PIK3C2G: variants seen among roughly 807,000 people sequenced by gnomAD.
PIK3C2G encodes the protein phosphatidylinositol 3-kinase C2 domain-containing subunit gamma.
PIK3C2G carries 168 observed loss-of-function variants against 181.1 expected under a neutral mutation model. The ratio of observed to expected loss-of-function variants is 0.93; its 90% CI spans 0.82 to 1.05. The LOEUF is 1.05. Ranked by LOEUF, PIK3C2G falls within the 50% of genes least tolerant of loss-of-function variation. PIK3C2G has a pLI of 0.00. For synonymous variants in PIK3C2G, 573 were observed against 592.2 expected, an observed-to-expected ratio of 0.97 and a Z score of 0.47; for missense variants, 1,869 against 1,732.8, an observed-to-expected ratio of 1.08 and a Z score of -1.40.
intron 24 of PIK3C2G, among the ~76,000 whole-genome samples, chr12:18,518,709 G>GT (rs896514868): frequency 1.3e-5 from 2 of 151,922 alleles, no homozygotes; most frequent in Non-Finnish European, 2.9e-5. Flanking sequence ...TTTTTTGGAG[G>GT]TTTTTTGTAT....
chr12:18,276,477 A>G (rs1948991588), intron 1 of PIK3C2G, among the ~76,000 whole-genome samples: 6 of 152,170 alleles, frequency 3.9e-5, no homozygotes, highest in African/African-American at 1.4e-4. Context: ...ATCCTGCACA[A>G]AATTATCTTT....
intron 18 of PIK3C2G, among the ~76,000 whole-genome samples, chr12:18,466,900 ACTT>A (rs1937941931): frequency 1.3e-5 from 2 of 152,050 alleles, no homozygotes; most frequent in Admixed American, 6.6e-5. Flanking sequence ...AGAATTAATA[ACTT>A]CTTTTTTCAC....
At chr12:18,635,795 C>A (rs1467004645) in intron 31 of PIK3C2G, among the ~76,000 whole-genome samples, 1 of 152,182 alleles carries the variant, frequency 6.6e-6, no homozygotes, top group Non-Finnish European at 1.5e-5. Context: ...AGCAGCTTTT[C>A]AGGTCACTCA....
chr12:18,607,869 C>A (rs1449660440), intron 30 of PIK3C2G, among the ~76,000 whole-genome samples: 1 of 151,982 alleles, frequency 6.6e-6, no homozygotes, highest in Non-Finnish European at 1.5e-5. Flanking sequence ...AACAGACAAC[C>A]CCATCAACAA....
intron 7 of PIK3C2G, among the ~76,000 whole-genome samples, chr12:18,322,824 T>G (rs1443454104): frequency 1.3e-5 from 2 of 152,210 alleles, no homozygotes; most frequent in Non-Finnish European, 2.9e-5. Flanking sequence ...AATTTTCGTT[T>G]TATAGGTAAT....
the PIK3C2G span, among the ~76,000 whole-genome samples, chr12:18,697,021 C>T: frequency 1.3e-5 from 2 of 152,104 alleles, no homozygotes; most frequent in African/African-American, 4.8e-5. Context: ...ATTTAAGTCA[C>T]TTGAGATTCA....
At chr12:18,613,178 AT>A (rs1212304432) in intron 31 of PIK3C2G, among the ~76,000 whole-genome samples, 1 of 151,922 alleles carries the variant, frequency 6.6e-6, no homozygotes, top group Non-Finnish European at 1.5e-5. Flanking sequence ...GACTTCATGG[AT>A]TTTTTTCTAG....
chr12:18,274,528 T>G (rs574043816), intron 1 of PIK3C2G, among the ~76,000 whole-genome samples: 1 of 152,064 alleles, frequency 6.6e-6, no homozygotes, highest in Non-Finnish European at 1.5e-5. Context: ...CTGGAAACCA[T>G]CATTCTCAGC....
intron 31 of PIK3C2G, among the ~76,000 whole-genome samples, chr12:18,639,149 G>A (rs896082558): frequency 6.6e-6 from 1 of 151,790 alleles, no homozygotes; most frequent in Non-Finnish European, 1.5e-5. Flanking sequence ...AGGGTGTCCA[G>A]ATATATTTTA....
At chr12:18,401,418 A>G (rs566858210) in intron 16 of PIK3C2G, among the ~76,000 whole-genome samples, 1 of 152,216 alleles carries the variant, frequency 6.6e-6, no homozygotes, top group East Asian at 1.9e-4. Context: ...ACATGATCCT[A>G]CCCCTTTTTC....
intron 24 of PIK3C2G, among the ~76,000 whole-genome samples, 155 bp downstream of exon 24, chr12:18,505,616 A>T (rs1346168412): frequency 6.6e-6 from 1 of 152,204 alleles, no homozygotes; most frequent in African/African-American, 2.4e-5. Flanking sequence ...AGATTGAAGA[A>T]AAGTTTTAAA....
intron 18 of PIK3C2G, among the ~76,000 whole-genome samples, chr12:18,467,800 G>A (rs1177804558): frequency 6.6e-6 from 1 of 151,794 alleles, no homozygotes; most frequent in Non-Finnish European, 1.5e-5. Context: ...ACTGTATCCA[G>A]CACATCTTAT....
At chr12:18,721,297 A>G in the PIK3C2G span, among the ~76,000 whole-genome samples, 56 of 152,182 alleles carry the variant, frequency 3.7e-4, no homozygotes, top group African/African-American at 1.2e-3. Context: ...CCAATGAGGG[A>G]TGAGGCTGAG....
intron 18 of PIK3C2G, among the ~76,000 whole-genome samples, chr12:18,440,859 G>A (rs9634066): frequency 0.16 from 23,877 of 152,046 alleles, 2,243 homozygotes; most frequent in African/African-American, 0.26. Context: ...TTGATCTATT[G>A]AAGTGTGAAG....
chr12:18,655,504 A>C, the PIK3C2G span, among the ~76,000 whole-genome samples: 1 of 152,236 alleles, frequency 6.6e-6, no homozygotes, highest in Non-Finnish European at 1.5e-5. Context: ...GAACATAGCT[A>C]CCCATTCCTT....
intron 29 of PIK3C2G, among the ~76,000 whole-genome samples, chr12:18,578,299 G>A (rs77410080): frequency 0.015 from 2,321 of 152,214 alleles, 57 homozygotes; most frequent in African/African-American, 0.047. Context: ...AACTTCACAC[G>A]TTGGGTTTTT....
At chr12:18,291,356 A>T (rs565261639) in intron 4 of PIK3C2G, among the ~76,000 whole-genome samples, 1 of 152,332 alleles carries the variant, frequency 6.6e-6, no homozygotes, top group Non-Finnish European at 1.5e-5. Context: ...GCTTCTATCT[A>T]TTAGGAACAA....
rs1180732519 is a variant in PIK3C2G at position 18,620,209 on chromosome 12, C to G, written c.4182+10580C>G. ...TATAGCCTTACTAATTATCTGTATACTAGTTCTACGAATAATTAAGAGAAA... is the reference window on the plus strand; with the variant it reads ...TATAGCCTTACTAATTATCTGTATAGTAGTTCTACGAATAATTAAGAGAAA... On this transcript the variant is annotated intron_variant, in intron 31 of 32. Coordinates refer to ENST00000538779, the MANE Select transcript of PIK3C2G (RefSeq NM_001288772.2). Among the ~76,000 whole-genome samples the G allele has an allele frequency of 3.3e-5, 5 of 152,112 alleles. No individual in the cohort carries two copies. In the East Asian group the frequency reaches 9.7e-4, roughly 29 times the overall value.
At chr12:18,667,047 G>A in the PIK3C2G span, among the ~76,000 whole-genome samples, 1 of 152,104 alleles carries the variant, frequency 6.6e-6, no homozygotes, top group African/African-American at 2.4e-5. Flanking sequence ...ACCAGACAGA[G>A]TGCATCCTCA....
Sources: gnomAD v4.1 joint callset for allele counts (sites outside exome capture counted in the v4.1 genomes callset) on GRCh38, gnomAD v4.1.1 for gene constraint, MANE v1.5 for transcripts, NCBI Gene and HGNC (gene_info 2026-07-23, HGNC 2026-07-21) for gene names.